TJP2: variants seen among roughly 807,000 people sequenced by gnomAD.
The protein encoded by TJP2 is Friedreich ataxia region gene X104 (tight junction protein ZO-2).
Under a neutral mutation model 133.1 loss-of-function variants are expected in TJP2, and 91 were observed. That is an observed-to-expected ratio of 0.68 (90% confidence interval 0.58 to 0.81). The LOEUF is 0.81. Among genes scored for constraint, TJP2 ranks in the 40% least tolerant of loss-of-function variants. The pLI is 0.00. For missense variants in TJP2, 1,541 were observed against 1,565.6 expected (o/e 0.98, Z 0.26); for synonymous variants, 592 against 583.4 (o/e 1.01, Z -0.21).
In TJP2 at chr9:69,254,329, C is replaced by T. The variant is rs147675640; in HGVS notation, c.3528C>T (p.Arg1176=). 5.5e-5 allele frequency: 88 copies of T among 1,614,084 alleles called. No individual in the cohort carries two copies. The highest frequency in any genetic ancestry group is 4.2e-4 in the East Asian group (19 of 44,892). ...AGCAGCTGTCAGAACACTCCAAGCG[C>T]GGTTACTATGGCCAGTCTGCCCGAT... is the stretch of plus-strand genomic sequence containing the variant. ...YRQQLSEHSK[R]GYYGQSARYR... The change falls in exon 23 of 23, where the codon CGC becomes CGT. Residue 1176 remains arginine (R), a synonymous_variant. Coordinates refer to ENST00000377245, the MANE Select transcript of TJP2 (RefSeq NM_004817.4).
chr9:69,233,813 G>A (rs1293239686), intron 11 of TJP2, among the ~76,000 whole-genome samples: 1 of 151,826 alleles, frequency 6.6e-6, no homozygotes, highest in Non-Finnish European at 1.5e-5. Flanking sequence ...ATTTCAAAAT[G>A]TCTTGTTCTT....
rs1263829909 is a variant in TJP2 at position 69,254,204 on chromosome 9, G to A, written c.3408-5G>A. 1 of 1,613,450 alleles carries A rather than the reference G, an allele frequency of 6.2e-7. No homozygotes were observed. Among genetic ancestry groups the A allele is most frequent in the Non-Finnish European group, 8.5e-7 (1 of 1,179,864 alleles). Reference sequence around the variant, plus strand: ...GGAATGTCTTTAACACCCTTTTTTTGTTAGTTCCAGACCCCCTGAGCCACA... The same window carrying A: ...GGAATGTCTTTAACACCCTTTTTTTATTAGTTCCAGACCCCCTGAGCCACA... On this transcript the variant is annotated splice_polypyrimidine_tract_variant and splice_region_variant and intron_variant, in intron 22 of 22. Coordinates refer to ENST00000377245, the MANE Select transcript of TJP2 (RefSeq NM_004817.4).
intron 2 of TJP2, among the ~76,000 whole-genome samples, chr9:69,154,711 G>A (rs1823654142): frequency 6.7e-6 from 1 of 149,128 alleles, no homozygotes; most frequent in Non-Finnish European, 1.5e-5. Flanking sequence ...GAGCCCTTGA[G>A]CCCAGGAGTT....
At chr9:69,234,711 C>T (rs1272273473) in intron 12 of TJP2, among the ~76,000 whole-genome samples, 164 bp downstream of exon 12, 2 of 151,960 alleles carry the variant, frequency 1.3e-5, no homozygotes, top group East Asian at 1.9e-4. Flanking sequence ...AATGTGAGTG[C>T]CGTTTAACTT....
At chr9:69,169,428 G>A (rs762256154), upstream of TJP2, among the ~76,000 whole-genome samples, 6 of 149,878 alleles carry the variant, frequency 4.0e-5, no homozygotes, top group African/African-American at 1.2e-4. Flanking sequence ...GCGTGATCTC[G>A]GCTTACTGAA....
chr9:69,198,829 G>T (rs763818967), intron 1 of TJP2, among the ~76,000 whole-genome samples: 2 of 152,258 alleles, frequency 1.3e-5, no homozygotes, highest in Non-Finnish European at 2.9e-5. Flanking sequence ...AAACGCTACA[G>T]AAAGTATTGT....
chr9:69,254,877 C>A lies in TJP2; in HGVS notation c.*503C>A. ...AATTTTCTTCCTTTGAAGCTTTAGGCAGAGCCATAATGGACTAAAACATTT... is the reference window on the plus strand; with the variant it reads ...AATTTTCTTCCTTTGAAGCTTTAGGAAGAGCCATAATGGACTAAAACATTT... On this transcript the variant is annotated 3_prime_UTR_variant, in exon 23 of 23. Transcript: ENST00000377245. The A allele has an allele frequency of 2.4e-6, 1 of 424,290 alleles. No individual in the cohort carries two copies. The highest frequency in any genetic ancestry group is 8.1e-5 in the South Asian group (1 of 12,282). 26.3% of individuals were successfully genotyped at this position (424,290 alleles called of 1,614,324 possible).
intron 17 of TJP2, among the ~76,000 whole-genome samples, chr9:69,245,355 T>C (rs900043512): frequency 1.3e-5 from 2 of 152,238 alleles, no homozygotes; most frequent in African/African-American, 4.8e-5. Context: ...GAAGTGATAG[T>C]ACAATAAGAG....
At chr9:69,174,045 A>C, upstream of TJP2, 2 of 1,054,720 alleles carry the variant, frequency 1.9e-6, no homozygotes, top group East Asian at 7.2e-5. Flanking sequence ...CCCGGCCAGG[A>C]GTCGCGCGTG....
chr9:69,239,833 CAA>C (rs1282674863), intron 16 of TJP2, 102 bp from the exon 17 acceptor site: 1 of 999,330 alleles, frequency 1.0e-6, no homozygotes. Context: ...AACAAACAAA[CAA>C]ACAAGATATA....
In TJP2 at chr9:69,221,143, G is replaced by A. The variant is rs373944275; in HGVS notation, c.599G>A (p.Ser200Asn). The A allele has an allele frequency of 1.3e-6, 2 of 1,593,042 alleles. No homozygotes were observed. The highest frequency in any genetic ancestry group is 2.3e-5 in the East Asian group (1 of 43,732). Residue 200 changes from serine (S) to asparagine (N), a missense_variant, in exon 5 of 23, where the codon AGC becomes AAC. Coordinates refer to ENST00000377245, the MANE Select transcript of TJP2 (RefSeq NM_004817.4). ...AGCCGGGACCGGAGCCGTGGCCGGA[G>A]CCTGGAGCGGGGCCTGGACCAAGAC... The part of the protein sequence containing the change: ...DLSRDRSRGR[S>N]LERGLDQDHA...
At chr9:69,203,312 A>AAAT (rs60976274) in intron 1 of TJP2, among the ~76,000 whole-genome samples, 56,985 of 151,024 alleles carry the variant, frequency 0.38, 10,997 homozygotes, top group South Asian at 0.44. Context: ...TTTATATAAT[A>AAAT]AATAATTTAT....
At chr9:69,156,089 G>A (rs1455690031) in intron 2 of TJP2, among the ~76,000 whole-genome samples, 1 of 152,200 alleles carries the variant, frequency 6.6e-6, no homozygotes, top group African/African-American at 2.4e-5. Context: ...GTTTGGCCAG[G>A]CAGGGTGGCT....
At chr9:69,161,214 ATGTG>A (rs111442939) in intron 2 of TJP2, among the ~76,000 whole-genome samples, 190 of 148,354 alleles carry the variant, frequency 1.3e-3, no homozygotes, top group African/African-American at 2.1e-3. Context: ...GTCATCAGTG[ATGTG>A]TGTGTGTGTG....
At chr9:69,164,918 C>T (rs1413841845) in intron 2 of TJP2, among the ~76,000 whole-genome samples, 2 of 152,148 alleles carry the variant, frequency 1.3e-5, no homozygotes, top group South Asian at 4.1e-4. Context: ...CAAACTCCGC[C>T]TCCCAGGTTC....
intron 1 of TJP2, among the ~76,000 whole-genome samples, chr9:69,174,968 A>G (rs544399205): frequency 8.6e-4 from 130 of 151,986 alleles, no homozygotes; most frequent in African/African-American, 3.0e-3. Flanking sequence ...AGGACCCACA[A>G]AAGAGGAGTG....
intron 1 of TJP2, among the ~76,000 whole-genome samples, chr9:69,141,600 A>T (rs530417085): frequency 2.0e-5 from 3 of 152,148 alleles, no homozygotes; most frequent in African/African-American, 2.4e-5. Context: ...ATTATTTATT[A>T]ATTCATTTTG....
chr9:69,157,570 A>T (rs1178015242), intron 2 of TJP2, among the ~76,000 whole-genome samples: 2 of 151,606 alleles, frequency 1.3e-5, no homozygotes, highest in African/African-American at 4.9e-5. Flanking sequence ...GGTTCAAGCA[A>T]TTCTCCTGCC....
intron 1 of TJP2, among the ~76,000 whole-genome samples, chr9:69,141,496 T>A (rs1823017344): frequency 1.3e-5 from 2 of 152,060 alleles, no homozygotes; most frequent in Non-Finnish European, 1.5e-5. Context: ...GGACCACTCT[T>A]CCTGAAGAGG....
Sources: allele counts gnomAD v4.1 joint callset (sites outside exome capture counted in the v4.1 genomes callset), GRCh38; gene constraint gnomAD v4.1.1; transcripts MANE v1.5; gene names NCBI Gene and HGNC (gene_info 2026-07-23, HGNC 2026-07-21).